GPR158: variants seen among roughly 807,000 people sequenced by gnomAD.
GPR158 encodes the protein metabotropic glycine receptor.
Under a neutral mutation model 78.2 loss-of-function variants are expected in GPR158, and 30 were observed. That is an observed-to-expected ratio of 0.38 (90% confidence interval 0.29 to 0.52). GPR158 has a LOEUF of 0.52. GPR158 is among the 20% of genes least tolerant of loss of function. The pLI, the probability that GPR158 is intolerant of heterozygous loss-of-function variation, is 0.83. For synonymous variants in GPR158, 581 were observed against 591.1 expected (o/e 0.98, Z 0.25); for missense variants, 1,463 against 1,523.5 (o/e 0.96, Z 0.66).
chr10:25,560,428 C>T (rs1449684127), intron 6 of GPR158, among the ~76,000 whole-genome samples: 1 of 151,844 alleles, frequency 6.6e-6, no homozygotes, highest in Non-Finnish European at 1.5e-5. Flanking sequence ...ACCATGCCCA[C>T]CTAATTTTTT....
At chr10:25,433,694 C>CTTTTTTTT (rs3082190) in intron 4 of GPR158, among the ~76,000 whole-genome samples, 1 of 109,826 alleles carries the variant, frequency 9.1e-6, no homozygotes, top group South Asian at 3.0e-4. Context: ...TTCTTTCTTT[C>CTTTTTTTT]TTTTTTTTTT....
chr10:25,462,846 C>T (rs192662513), intron 4 of GPR158, among the ~76,000 whole-genome samples: 55 of 152,220 alleles, frequency 3.6e-4, no homozygotes, highest in Admixed American at 3.3e-3. Context: ...TTTTTTCAGA[C>T]GGAATCCACT....
chr10:25,222,847 T>C (rs1588743174), intron 2 of GPR158, among the ~76,000 whole-genome samples: 1 of 152,328 alleles, frequency 6.6e-6, no homozygotes, highest in Non-Finnish European at 1.5e-5. Flanking sequence ...ATAAGCAGTC[T>C]GCCTAGAAAC....
chr10:25,357,837 C>A (rs1224263433), intron 2 of GPR158, among the ~76,000 whole-genome samples: 1 of 152,024 alleles, frequency 6.6e-6, no homozygotes, highest in East Asian at 1.9e-4. Context: ...AAGAGGGCCA[C>A]CATAGTCCAG....
At chr10:25,303,040 T>C (rs1007928562) in intron 2 of GPR158, among the ~76,000 whole-genome samples, 1 of 152,130 alleles carries the variant, frequency 6.6e-6, no homozygotes, top group African/African-American at 2.4e-5. Context: ...TGGTGCCCCA[T>C]GTCAAGATGG....
chr10:25,204,681 C>T (rs2765700), intron 1 of GPR158, among the ~76,000 whole-genome samples: 19,534 of 151,896 alleles, frequency 0.13, 1,526 homozygotes, highest in East Asian at 0.24. Context: ...ATTTTTGCAT[C>T]GATGTTCTTC....
At chr10:25,521,111 G>A (rs758433936) in intron 5 of GPR158, among the ~76,000 whole-genome samples, 2 of 152,228 alleles carry the variant, frequency 1.3e-5, no homozygotes, top group Admixed American at 6.5e-5. Flanking sequence ...GTATTCGGGC[G>A]GGAGTGACCC....
chr10:25,568,901 A>G (rs548811529), intron 6 of GPR158, among the ~76,000 whole-genome samples: 2 of 152,308 alleles, frequency 1.3e-5, no homozygotes, highest in East Asian at 3.9e-4. Flanking sequence ...ATAGTGGAAA[A>G]GTCATCCATA....
At chr10:25,263,801 G>A (rs918239724) in intron 2 of GPR158, among the ~76,000 whole-genome samples, 1 of 152,166 alleles carries the variant, frequency 6.6e-6, no homozygotes, top group Admixed American at 6.5e-5. Flanking sequence ...GTTGGGTGTG[G>A]TGATGGGTGC....
At chr10:25,574,967 TGAG>T (rs1837069216) in intron 7 of GPR158, among the ~76,000 whole-genome samples, 1 of 151,568 alleles carries the variant, frequency 6.6e-6, no homozygotes, top group South Asian at 2.1e-4. Context: ...CTCTAGAGGC[TGAG>T]GTGTGAGAAT....
At chr10:25,531,571 G>T (rs1836422687) in intron 5 of GPR158, among the ~76,000 whole-genome samples, 1 of 152,120 alleles carries the variant, frequency 6.6e-6, no homozygotes, top group African/African-American at 2.4e-5. Context: ...AAGAGATGAG[G>T]CAGTGAGTCA....
intron 5 of GPR158, among the ~76,000 whole-genome samples, chr10:25,482,561 G>A (rs1835675813): frequency 1.3e-5 from 2 of 152,118 alleles, no homozygotes; most frequent in Admixed American, 1.3e-4. Flanking sequence ...AAGTAGGCAT[G>A]TAAGAATTCT....
At chr10:25,551,654 G>C (rs961824252) in intron 6 of GPR158, among the ~76,000 whole-genome samples, 1 of 152,106 alleles carries the variant, frequency 6.6e-6, no homozygotes, top group African/African-American at 2.4e-5. Context: ...CTAAATATTG[G>C]GGTGGGGCAG....
chr10:25,598,981 G>A lies in GPR158; in HGVS notation c.3355G>A (p.Glu1119Lys), dbSNP rs1028057427. Residue 1119 changes from glutamate (E) to lysine (K), a missense_variant, in exon 11 of 11, where the codon GAA becomes AAA. Coordinates refer to ENST00000376351, the MANE Select transcript of GPR158 (RefSeq NM_020752.3). Reference sequence around the variant, plus strand: ...CAATGTGTGTGCTGGGCAGAGCGAAGAACTGCCCCCCAAAGCTGTAGCATC... The same window carrying A: ...CAATGTGTGTGCTGGGCAGAGCGAAAAACTGCCCCCCAAAGCTGTAGCATC... ...AANVCAGQSEELPPKAVASKT... is the reference protein window; with the variant it reads ...AANVCAGQSEKLPPKAVASKT... 6.2e-7 allele frequency: 1 copy of A among 1,613,576 alleles called. No individual in the cohort carries two copies. Among genetic ancestry groups the A allele is most frequent in the African/African-American group, 1.3e-5 (1 of 74,786 alleles).
At chr10:25,509,958 C>A (rs1047572843) in intron 5 of GPR158, among the ~76,000 whole-genome samples, 5 of 152,202 alleles carry the variant, frequency 3.3e-5, no homozygotes, top group African/African-American at 1.2e-4. Context: ...AGGTGATCCA[C>A]CTGCCCTGGC....
At chr10:25,214,161 A>AT (rs1194574107) in intron 1 of GPR158, among the ~76,000 whole-genome samples, 4 of 151,792 alleles carry the variant, frequency 2.6e-5, no homozygotes, top group Non-Finnish European at 4.4e-5. Context: ...CGCCCCGCTA[A>AT]TTTTTTGTAT....
intron 2 of GPR158, among the ~76,000 whole-genome samples, chr10:25,301,391 C>G (rs7476751): frequency 6.6e-6 from 1 of 151,936 alleles, no homozygotes; most frequent in African/African-American, 2.4e-5. Context: ...TGTCATTGCC[C>G]GGTCCCTACC....
At position 25,359,002 on chromosome 10, in the gene GPR158, C is replaced by G. The variant is rs905656982; in HGVS notation, c.1009-36909C>G. ...GGTTGGTTTGTAATGGTCAAGTATT[C>G]TGTTTTTTTTTGTTGATCTTCTGTC... On this transcript the variant is annotated intron_variant, in intron 2 of 10. Transcript: ENST00000376351. Among the ~76,000 whole-genome samples, 7 of 143,342 alleles carry G rather than the reference C, an allele frequency of 4.9e-5. No individual in the cohort carries two copies. In the South Asian group the frequency reaches 1.5e-3, roughly 30 times the overall value. 94.0% of individuals were successfully genotyped at this position (143,342 alleles called of 152,430 possible).
At chr10:25,317,246 C>T (rs1456562021) in intron 2 of GPR158, among the ~76,000 whole-genome samples, 2 of 151,816 alleles carry the variant, frequency 1.3e-5, no homozygotes, top group African/African-American at 4.8e-5. Flanking sequence ...TGGGGTTTCA[C>T]CATGTTGGTC....
Sources: allele counts gnomAD v4.1 joint callset (sites outside exome capture counted in the v4.1 genomes callset), GRCh38; gene constraint gnomAD v4.1.1; transcripts MANE v1.5; gene names NCBI Gene and HGNC (gene_info 2026-07-23, HGNC 2026-07-21).